Variants in SGCD observed in about 807,000 individuals in gnomAD.
The protein encoded by SGCD is delta-sarcoglycan.
In SGCD, 18 loss-of-function variants were observed where a neutral mutation model predicts 36.6. The ratio of observed to expected loss-of-function variants is 0.49; its 90% CI spans 0.34 to 0.73. The LOEUF is 0.73. Among genes scored for constraint, SGCD ranks in the 30% least tolerant of loss-of-function variants. The pLI is 0.01. For synonymous variants in SGCD, 133 were observed against 130.6 expected, an observed-to-expected ratio of 1.02 and a Z score of -0.12; for missense variants, 387 against 346.7, an observed-to-expected ratio of 1.12 and a Z score of -0.92.
chr5:156,693,270 G>C (rs953736558), intron 7 of SGCD, among the ~76,000 whole-genome samples: 1 of 152,130 alleles, frequency 6.6e-6, no homozygotes, highest in African/African-American at 2.4e-5. Context: ...ACCTTGAAGA[G>C]AGACATGGAG....
At chr5:156,062,503 G>C (rs1441342123) in intron 1 of SGCD, among the ~76,000 whole-genome samples, 1 of 119,514 alleles carries the variant, frequency 8.4e-6, no homozygotes, top group Admixed American at 8.0e-5. Context: ...CTCAGGAATT[G>C]CCACACTGAC....
At chr5:155,888,097 T>A (rs1224393539) in intron 1 of SGCD, among the ~76,000 whole-genome samples, 1 of 152,212 alleles carries the variant, frequency 6.6e-6, no homozygotes. Flanking sequence ...AAATTCAGTC[T>A]TTTTGCCTCT....
intron 7 of SGCD, among the ~76,000 whole-genome samples, chr5:156,680,934 AG>A (rs1197472209): frequency 6.6e-6 from 1 of 152,018 alleles, no homozygotes; most frequent in Non-Finnish European, 1.5e-5. Context: ...TCCTCATGGG[AG>A]GGAGTGTGCC....
chr5:156,400,928 G>C (rs1034513516), intron 3 of SGCD, among the ~76,000 whole-genome samples: 3 of 152,226 alleles, frequency 2.0e-5, no homozygotes, highest in Non-Finnish European at 4.4e-5. Context: ...TGAGATGTTG[G>C]AATGGCAGAG....
intron 3 of SGCD, among the ~76,000 whole-genome samples, chr5:156,256,206 T>C (rs910426218): frequency 6.6e-6 from 1 of 152,152 alleles, no homozygotes; most frequent in Non-Finnish European, 1.5e-5. Flanking sequence ...CTCTGTTATT[T>C]TGTTTAATAA....
At chr5:155,839,602 A>C in the SGCD span, among the ~76,000 whole-genome samples, 1 of 152,178 alleles carries the variant, frequency 6.6e-6, no homozygotes, top group South Asian at 2.1e-4. Context: ...TTAGTAAATA[A>C]ATATTTAACA....
At chr5:156,383,281 A>G (rs1246933766) in intron 3 of SGCD, among the ~76,000 whole-genome samples, 1 of 152,110 alleles carries the variant, frequency 6.6e-6, no homozygotes, top group African/African-American at 2.4e-5. Context: ...AGGCAGGCAG[A>G]TCACTTGAGG....
intron 6 of SGCD, among the ~76,000 whole-genome samples, chr5:156,621,440 C>T (rs1290837835): frequency 6.6e-6 from 1 of 152,128 alleles, no homozygotes; most frequent in Non-Finnish European, 1.5e-5. Context: ...ATCTTCCTGC[C>T]TCAGCCTCTC....
At chr5:156,647,709 A>G (rs896157702) in intron 7 of SGCD, among the ~76,000 whole-genome samples, 173 bp downstream of exon 7, 4 of 152,088 alleles carry the variant, frequency 2.6e-5, no homozygotes, top group African/African-American at 9.7e-5. Flanking sequence ...TTCTATGAGA[A>G]CTTAAAATTG....
chr5:156,639,664 T>C (rs1251566078), intron 6 of SGCD, among the ~76,000 whole-genome samples: 1 of 152,190 alleles, frequency 6.6e-6, no homozygotes, highest in African/African-American at 2.4e-5. Flanking sequence ...ATAGAATGTC[T>C]CTTGAGATGT....
chr5:156,156,138 G>A (rs1039408799), intron 3 of SGCD, among the ~76,000 whole-genome samples: 1 of 151,622 alleles, frequency 6.6e-6, no homozygotes. Context: ...CTCTCAGAAC[G>A]GCAGATTATA....
chr5:156,609,451 G>A (rs1465333565), intron 6 of SGCD, among the ~76,000 whole-genome samples: 4 of 152,134 alleles, frequency 2.6e-5, no homozygotes, highest in Non-Finnish European at 4.4e-5. Context: ...TGGGTAACCC[G>A]ACCTTTCTCT....
chr5:156,307,029 A>AAT (rs1046740421), intron 3 of SGCD, among the ~76,000 whole-genome samples: 2 of 147,748 alleles, frequency 1.4e-5, no homozygotes, highest in Non-Finnish European at 3.0e-5. Flanking sequence ...ATTTGCACAG[A>AAT]ATATAAGTTT....
chr5:156,686,086 T>C (rs1193147882), intron 7 of SGCD, among the ~76,000 whole-genome samples: 2 of 152,230 alleles, frequency 1.3e-5, no homozygotes, highest in Non-Finnish European at 2.9e-5. Context: ...TTACTAAGAA[T>C]AGCAGCTACT....
chr5:155,824,508 CATTTT>C, the SGCD span, among the ~76,000 whole-genome samples: 4 of 152,030 alleles, frequency 2.6e-5, no homozygotes, highest in African/African-American at 9.7e-5. Flanking sequence ...AAAATAAATT[CATTTT>C]ATTTTATATG....
chr5:155,929,748 C>T (rs1471691649), intron 1 of SGCD, among the ~76,000 whole-genome samples: 2 of 152,182 alleles, frequency 1.3e-5, no homozygotes, highest in Non-Finnish European at 2.9e-5. Flanking sequence ...TTCCTAGTTC[C>T]ATTTACCCCT....
At chr5:156,127,447 T>C (rs942731140) in intron 3 of SGCD, among the ~76,000 whole-genome samples, 6 of 151,636 alleles carry the variant, frequency 4.0e-5, no homozygotes, top group Non-Finnish European at 8.8e-5. Context: ...TAAAATAAAA[T>C]AGAAAATAAA....
intron 7 of SGCD, among the ~76,000 whole-genome samples, chr5:156,724,862 C>T (rs1211597363): frequency 6.6e-6 from 1 of 152,186 alleles, no homozygotes; most frequent in Non-Finnish European, 1.5e-5. Context: ...AATTTCTCCT[C>T]TTATATATCC....
intron 3 of SGCD, among the ~76,000 whole-genome samples, chr5:156,419,267 A>G (rs1773192519): frequency 6.6e-6 from 1 of 152,196 alleles, no homozygotes; most frequent in Non-Finnish European, 1.5e-5. Context: ...AGATGTATTT[A>G]TCTTAGCAAA....
Sources: gnomAD v4.1 joint callset for allele counts (sites outside exome capture counted in the v4.1 genomes callset) on GRCh38, gnomAD v4.1.1 for gene constraint, MANE v1.5 for transcripts, NCBI Gene and HGNC (gene_info 2026-07-23, HGNC 2026-07-21) for gene names.